Variants in CACNA1A observed in about 807,000 individuals in gnomAD.
CACNA1A encodes the protein voltage-dependent P/Q-type calcium channel subunit alpha-1A.
A neutral mutation model predicts 262.4 loss-of-function variants in CACNA1A; 57 were observed. The ratio of observed to expected loss-of-function variants is 0.22; its 90% CI spans 0.18 to 0.27. CACNA1A has a LOEUF of 0.27. Ranked by LOEUF, CACNA1A falls within the 10% of genes least tolerant of loss-of-function variation. CACNA1A has a pLI of 1.00. For synonymous variants in CACNA1A, 1,431 were observed against 1,419.3 expected, an observed-to-expected ratio of 1.01 and a Z score of -0.18; for missense variants, 2,526 against 3,562.8, an observed-to-expected ratio of 0.71 and a Z score of 7.41.
rs188863534 is a variant in CACNA1A at position 13,230,159 on chromosome 19, G to A, written c.5451C>T (p.Thr1817=). The A allele has an allele frequency of 3.0e-4, 491 of 1,613,896 alleles. 1 individual carries two copies. The highest frequency in any genetic ancestry group is 4.1e-4 in the Non-Finnish European group (483 of 1,179,876). The change falls in exon 36 of 47, where the codon ACC becomes ACT. Residue 1817 remains threonine (T), a synonymous_variant. Coordinates refer to ENST00000360228, the MANE Select transcript of CACNA1A (RefSeq NM_001127222.2). ...AVIMDNFEYL[T]RDSSILGPHH... ...GGGGGCCCAGGATGGAGGAGTCTCG[G>A]GTGAGGTACTCAAAGTTGTCCATGA...
chr19:13,215,002 G>T, intron 38 of CACNA1A: 1 of 170,134 alleles, frequency 5.9e-6, no homozygotes. Context: ...TGTTGTGTGT[G>T]TGTGTGTGTG....
rs775017328 is a variant in CACNA1A, at chr19:13,255,085, G to A, written c.4755+10C>T. On this transcript the variant is annotated intron_variant, in intron 29 of 46. Coordinates refer to ENST00000360228, the MANE Select transcript of CACNA1A (RefSeq NM_001127222.2). Reference sequence around the variant, plus strand: ...TTAAGTAGTGCTGGGGGCTGGTGTGGGGCACTTACCTTCATCATAAGCACG... The same window carrying A: ...TTAAGTAGTGCTGGGGGCTGGTGTGAGGCACTTACCTTCATCATAAGCACG... The A allele has an allele frequency of 6.2e-7, 1 of 1,613,628 alleles. No individual in the cohort carries two copies. The highest frequency in any genetic ancestry group is 1.1e-5 in the South Asian group (1 of 91,070).
chr19:13,499,277 G>A (rs905784830), intron 1 of CACNA1A, among the ~76,000 whole-genome samples: 26 of 152,066 alleles, frequency 1.7e-4, no homozygotes, highest in African/African-American at 1.2e-4. Flanking sequence ...GGAGGAAAGA[G>A]AATTAATTTT....
chr19:13,238,522 T>C (rs1471632087), intron 31 of CACNA1A, among the ~76,000 whole-genome samples: 1 of 151,870 alleles, frequency 6.6e-6, no homozygotes, highest in Non-Finnish European at 1.5e-5. Flanking sequence ...CACCTCAAAC[T>C]TGCTATGCCC....
At chr19:13,238,670 CCA>C (rs1320670192) in intron 31 of CACNA1A, among the ~76,000 whole-genome samples, 2 of 151,684 alleles carry the variant, frequency 1.3e-5, no homozygotes, top group Non-Finnish European at 2.9e-5. Context: ...ACTGCAACCT[CCA>C]CCTCCCAGGT....
At chr19:13,423,117 T>G (rs761201393) in intron 3 of CACNA1A, among the ~76,000 whole-genome samples, 3 of 152,188 alleles carry the variant, frequency 2.0e-5, no homozygotes, top group Non-Finnish European at 4.4e-5. Context: ...TTGTTCTAGT[T>G]GCATCTCAAG....
At chr19:13,490,307 T>C (rs962918499) in intron 1 of CACNA1A, among the ~76,000 whole-genome samples, 1 of 152,066 alleles carries the variant, frequency 6.6e-6, no homozygotes, top group African/African-American at 2.4e-5. Flanking sequence ...ACACCACCGA[T>C]AGAAACCTAG....
At chr19:13,503,908 C>T (rs1982696826) in intron 1 of CACNA1A, among the ~76,000 whole-genome samples, 2 of 152,104 alleles carry the variant, frequency 1.3e-5, no homozygotes, top group African/African-American at 2.4e-5. Flanking sequence ...CCCTCTCCCA[C>T]GATTCCCCCT....
At chr19:13,224,876 A>G in intron 37 of CACNA1A, 104 bp from the exon 38 acceptor site, 2 of 744,618 alleles carry the variant, frequency 2.7e-6, no homozygotes, top group Non-Finnish European at 4.5e-6. Context: ...AGAACTCTGA[A>G]AGCTGTGGCG....
chr19:13,207,218 T>TCTGTGCTGGGCCCC lies in CACNA1A; in HGVS notation c.*81_*94dup, dbSNP rs1374173996. 2.3e-6 allele frequency: 3 copies of TCTGTGCTGGGCCCC among 1,316,522 alleles called. No homozygotes were observed. The African/African-American group carries it at 4.8e-5, about 21-fold the overall frequency. 81.6% of individuals were successfully genotyped at this position (1,316,522 alleles called of 1,614,324 possible). A position where few individuals can be genotyped will look rare whatever the true frequency, so the allele number is the denominator to read the frequency against. ...TCCCGGCTGGCCCTCTCCCGGGCCC[T>TCTGTGCTGGGCCCC]CTGTGCTGGGCCCCCGCGGCCTCTG... is the stretch of plus-strand genomic sequence containing the variant. On this transcript the variant is annotated 3_prime_UTR_variant, in exon 47 of 47. Transcript: ENST00000360228. The surrounding 1 kb of genome is among the most constrained non-coding windows in gnomAD (Gnocchi z 5.7).
At chr19:13,437,340 C>T (rs558543578) in intron 3 of CACNA1A, among the ~76,000 whole-genome samples, 10 of 152,264 alleles carry the variant, frequency 6.6e-5, no homozygotes, top group Admixed American at 2.6e-4. Flanking sequence ...ATCTCTACGC[C>T]GGCCTCGGTT....
At chr19:13,219,536 G>A (rs965185199) in intron 38 of CACNA1A, among the ~76,000 whole-genome samples, 10 of 152,244 alleles carry the variant, frequency 6.6e-5, no homozygotes, top group East Asian at 5.8e-4. Context: ...TGTTAGACCC[G>A]TTGTACAAAC....
intron 3 of CACNA1A, among the ~76,000 whole-genome samples, chr19:13,388,851 T>C (rs1474158152): frequency 1.3e-5 from 2 of 152,200 alleles, no homozygotes; most frequent in Non-Finnish European, 2.9e-5. Flanking sequence ...AGGATGAAGT[T>C]AGACACATTC....
chr19:13,324,400 T>C (rs943925081), intron 10 of CACNA1A, among the ~76,000 whole-genome samples: 1 of 152,226 alleles, frequency 6.6e-6, no homozygotes, highest in African/African-American at 2.4e-5. Flanking sequence ...TAATAAATAG[T>C]AATGTGTTGC....
chr19:13,245,356 G>A, intron 30 of CACNA1A, 91 bp from the exon 31 acceptor site: 1 of 955,438 alleles, frequency 1.0e-6, no homozygotes, highest in Non-Finnish European at 1.7e-6. Flanking sequence ...AGGCACAGTT[G>A]CCCATCAGCG....
At chr19:13,474,048 AT>A (rs1172593079) in intron 1 of CACNA1A, among the ~76,000 whole-genome samples, 4 of 152,358 alleles carry the variant, frequency 2.6e-5, no homozygotes, top group African/African-American at 7.2e-5. Flanking sequence ...TCATTAAAAA[AT>A]AAACCCACAT....
Position 13,432,416 on chromosome 19 carries a change from A to AAAATAAATAAATAAATAAAT in CACNA1A, c.539+20440_539+20459dup, listed in dbSNP as rs201856945. Among the ~76,000 whole-genome samples, 713 of 144,910 alleles carry AAAATAAATAAATAAATAAAT rather than the reference A, an allele frequency of 4.9e-3. 5 individuals are homozygous for AAAATAAATAAATAAATAAAT. The highest frequency in any genetic ancestry group is 0.016 in the African/African-American group (609 of 39,234). ...GGTGACAGAGCGAGACTCCATCTCA[A>AAAATAAATAAATAAATAAAT]AAATAAATAAATAAATAAATAAATA... On this transcript the variant is annotated intron_variant, in intron 3 of 46. Coordinates refer to ENST00000360228, the MANE Select transcript of CACNA1A (RefSeq NM_001127222.2).
chr19:13,247,823 C>G (rs2056290203), intron 30 of CACNA1A, among the ~76,000 whole-genome samples: 1 of 152,182 alleles, frequency 6.6e-6, no homozygotes, highest in Non-Finnish European at 1.5e-5. Flanking sequence ...AACTACACAC[C>G]TGAGGTACAC....
chr19:13,411,742 C>T (rs1419784406), intron 3 of CACNA1A, among the ~76,000 whole-genome samples: 1 of 151,916 alleles, frequency 6.6e-6, no homozygotes, highest in Non-Finnish European at 1.5e-5. Context: ...GACAGGGTCT[C>T]ACTTTGTCTC....
Sources: allele counts gnomAD v4.1 joint callset (sites outside exome capture counted in the v4.1 genomes callset), GRCh38; gene constraint gnomAD v4.1.1; non-coding constraint Gnocchi (gnomAD v3.1); transcripts MANE v1.5; gene names NCBI Gene and HGNC (gene_info 2026-07-23, HGNC 2026-07-21).